CDIN1: variants seen among roughly 807,000 people sequenced by gnomAD.
CDIN1 encodes CDAN1-interacting nuclease 1.
A neutral mutation model predicts 45.3 loss-of-function variants in CDIN1; 33 were observed. The ratio of observed to expected loss-of-function variants is 0.73; its 90% CI spans 0.55 to 0.97. The LOEUF is 0.97. CDIN1 is among the 50% of genes least tolerant of loss of function. The pLI is 0.00. For synonymous variants in CDIN1, 118 were observed against 124.4 expected (o/e 0.95, Z 0.34); for missense variants, 303 against 339.4 (o/e 0.89, Z 0.84).
At chr15:36,581,694 G>A (rs1298851635) in intron 1 of CDIN1, among the ~76,000 whole-genome samples, 1 of 152,090 alleles carries the variant, frequency 6.6e-6, no homozygotes, top group Non-Finnish European at 1.5e-5. Flanking sequence ...ACTGGGCAAC[G>A]TAGCAAAACC....
At chr15:36,677,401 C>T (rs537117478) in intron 5 of CDIN1, among the ~76,000 whole-genome samples, 1 of 152,208 alleles carries the variant, frequency 6.6e-6, no homozygotes, top group Admixed American at 6.6e-5. Flanking sequence ...ATAAGGGCCA[C>T]ATAAATCCAA....
intron 1 of CDIN1, chr15:36,641,911 C>T (rs903062165): frequency 6.6e-6 from 1 of 152,232 alleles, no homozygotes; most frequent in African/African-American, 2.4e-5. Context: ...TTCAGTTGCA[C>T]AGAATCTTTC....
rs1348581957 is a variant in CDIN1 at position 36,810,177 on chromosome 15, ATTTG to A, written c.*1728_*1731del. 2.6e-5 allele frequency: 4 copies of A among 152,176 alleles called. No homozygotes were observed. The highest frequency in any genetic ancestry group is 4.1e-4 in the South Asian group (2 of 4,832). The allele number at this position is 152,176 out of a possible 1,614,324, so 9.4% of individuals were successfully genotyped here. ...AAATCCTGTTAAACCCTTGTCAAGGATTTGTTTATTTTACATTAAACAAATTTAT... is the reference window on the plus strand; with the variant it reads ...AAATCCTGTTAAACCCTTGTCAAGGATTTATTTTACATTAAACAAATTTAT... On this transcript the variant is annotated 3_prime_UTR_variant, in exon 11 of 11. Transcript: ENST00000566621.
intron 10 of CDIN1, among the ~76,000 whole-genome samples, chr15:36,713,805 GA>G (rs1466986617): frequency 6.6e-6 from 1 of 152,188 alleles, no homozygotes; most frequent in African/African-American, 2.4e-5. Flanking sequence ...ATCTCTTTGA[GA>G]AACCTTCCTG....
intron 1 of CDIN1, among the ~76,000 whole-genome samples, chr15:36,625,296 G>A (rs1322859889): frequency 6.6e-6 from 1 of 151,134 alleles, no homozygotes. Context: ...AAAAAAAAAA[G>A]TATTCTAAAC....
chr15:36,717,062 C>A (rs1255802551), intron 10 of CDIN1, among the ~76,000 whole-genome samples: 3 of 152,160 alleles, frequency 2.0e-5, no homozygotes, highest in Non-Finnish European at 2.9e-5. Context: ...AAAACTACAA[C>A]CCTCTCCAGC....
chr15:36,659,052 G>A (rs879010384), intron 5 of CDIN1, among the ~76,000 whole-genome samples: 5 of 152,110 alleles, frequency 3.3e-5, no homozygotes, highest in African/African-American at 9.7e-5. Flanking sequence ...TTTCAACTTC[G>A]CAGCAGCACC....
At chr15:36,592,666 G>C (rs1301467866) in intron 1 of CDIN1, among the ~76,000 whole-genome samples, 1 of 151,968 alleles carries the variant, frequency 6.6e-6, no homozygotes, top group East Asian at 1.9e-4. Flanking sequence ...TTATAGTCTT[G>C]GGCCTTAGGA....
intron 5 of CDIN1, among the ~76,000 whole-genome samples, chr15:36,664,696 A>C (rs770096454): frequency 2.6e-5 from 4 of 151,856 alleles, no homozygotes; most frequent in African/African-American, 4.8e-5. Context: ...ACAGGCGCCC[A>C]CCACCACGCT....
Position 36,691,289 on chromosome 15 carries a change from G to C in CDIN1, c.347-396G>C, listed in dbSNP as rs139576275. Reference sequence around the variant, plus strand: ...AGACAGGTCAGATTCAAAGACTTCAGATCTGACCTGTCTTCATTAAACTCT... The same window carrying C: ...AGACAGGTCAGATTCAAAGACTTCACATCTGACCTGTCTTCATTAAACTCT... On this transcript the variant is annotated intron_variant, in intron 5 of 10. Coordinates refer to ENST00000566621, the MANE Select transcript of CDIN1 (RefSeq NM_001321759.2). 1.3e-4 allele frequency: 56 copies of C among 438,212 alleles called. 1 individual carries two copies. The highest frequency in any genetic ancestry group is 7.9e-4 in the African/African-American group (38 of 48,356). 27.1% of individuals were successfully genotyped at this position (438,212 alleles called of 1,614,324 possible). A position where few individuals can be genotyped will look rare whatever the true frequency, so the allele number is the denominator to read the frequency against.
intron 10 of CDIN1, among the ~76,000 whole-genome samples, chr15:36,722,985 G>GTGTGTT (rs111713255): frequency 0.076 from 9,094 of 119,078 alleles, 812 homozygotes; most frequent in African/African-American, 0.19. Context: ...GTGTGTGTGT[G>GTGTGTT]TTTCTCTCTC....
chr15:36,694,364 T>C lies in CDIN1; in HGVS notation c.476+2189T>C, dbSNP rs559671883. Among the ~76,000 whole-genome samples the C allele has an allele frequency of 9.5e-4, 145 of 152,354 alleles. 1 individual carries two copies. The highest frequency in any genetic ancestry group is 3.5e-3 in the African/African-American group (144 of 41,578). ...GCTGTTTGTTTTTCTGATAGTTTAGTAATATTTACATTGCTTACTCTCAGT... is the reference window on the plus strand; with the variant it reads ...GCTGTTTGTTTTTCTGATAGTTTAGCAATATTTACATTGCTTACTCTCAGT... On this transcript the variant is annotated intron_variant, in intron 7 of 10. Transcript: ENST00000566621.
intron 10 of CDIN1, among the ~76,000 whole-genome samples, chr15:36,804,277 A>G (rs1039887903): frequency 2.0e-5 from 3 of 152,174 alleles, no homozygotes; most frequent in African/African-American, 7.2e-5. Flanking sequence ...TATTTTCACT[A>G]TAACCTGTAA....
chr15:36,597,868 C>T (rs1389959452), intron 1 of CDIN1, among the ~76,000 whole-genome samples: 1 of 152,186 alleles, frequency 6.6e-6, no homozygotes, highest in East Asian at 1.9e-4. Context: ...GTAGTATCTA[C>T]ACCTTGAAAC....
intron 10 of CDIN1, among the ~76,000 whole-genome samples, chr15:36,806,366 C>G (rs1014569405): frequency 6.6e-6 from 1 of 151,956 alleles, no homozygotes; most frequent in Non-Finnish European, 1.5e-5. Flanking sequence ...CTCACTTGCT[C>G]AGTGCTGGTG....
At chr15:36,626,251 T>C (rs1269536194) in intron 1 of CDIN1, among the ~76,000 whole-genome samples, 1 of 151,916 alleles carries the variant, frequency 6.6e-6, no homozygotes, top group Non-Finnish European at 1.5e-5. Flanking sequence ...GAAGGCCTTA[T>C]ATATTAAATT....
chr15:36,630,598 A>G (rs895229819), intron 1 of CDIN1, among the ~76,000 whole-genome samples: 11 of 152,206 alleles, frequency 7.2e-5, no homozygotes, highest in African/African-American at 2.7e-4. Flanking sequence ...ATATTTGTGG[A>G]ATACATAAAG....
chr15:36,646,281 A>C (rs1211032111), intron 3 of CDIN1, among the ~76,000 whole-genome samples: 1 of 152,222 alleles, frequency 6.6e-6, no homozygotes, highest in Non-Finnish European at 1.5e-5. Context: ...ATTTAGAATC[A>C]AGAAAGGGAT....
At chr15:36,747,255 CAT>C (rs533020745) in intron 10 of CDIN1, 66 of 342,832 alleles carry the variant, frequency 1.9e-4, no homozygotes, top group African/African-American at 1.2e-3. Flanking sequence ...TTGTAACAAA[CAT>C]TTCTGGGTGA....
Sources: allele counts gnomAD v4.1 joint callset (sites outside exome capture counted in the v4.1 genomes callset), GRCh38; gene constraint gnomAD v4.1.1; transcripts MANE v1.5; gene names NCBI Gene and HGNC (gene_info 2026-07-23, HGNC 2026-07-21).